Variants in DTNB observed in about 807,000 individuals in gnomAD.
DTNB encodes the protein dystrobrevin beta.
DTNB carries 63 observed loss-of-function variants against 90.7 expected under a neutral mutation model. The ratio of observed to expected loss-of-function variants is 0.69; its 90% CI spans 0.57 to 0.86. The LOEUF (loss-of-function observed/expected upper bound fraction) is 0.86. Ranked by LOEUF, DTNB falls within the 40% of genes least tolerant of loss-of-function variation. The pLI, the probability that DTNB is intolerant of heterozygous loss-of-function variation, is 0.00. For synonymous variants in DTNB, 277 were observed against 286.7 expected (o/e 0.97, Z 0.34); for missense variants, 744 against 807.1 (o/e 0.92, Z 0.95).
chr2:25,523,407 A>C (rs547572812), intron 9 of DTNB, among the ~76,000 whole-genome samples: 34 of 152,336 alleles, frequency 2.2e-4, no homozygotes, highest in African/African-American at 8.2e-4. Context: ...TGGGTGGCCA[A>C]GGCAGGCAGA....
chr2:25,392,146 C>T (rs1325963441), intron 16 of DTNB, among the ~76,000 whole-genome samples: 2 of 152,148 alleles, frequency 1.3e-5, no homozygotes, highest in Non-Finnish European at 2.9e-5. Flanking sequence ...CGGTGGCTCA[C>T]GCCTGTAATC....
chr2:25,660,495 A>C (rs2082940337), intron 1 of DTNB, among the ~76,000 whole-genome samples: 1 of 152,152 alleles, frequency 6.6e-6, no homozygotes, highest in Non-Finnish European at 1.5e-5. Context: ...GGATGATGCA[A>C]ATGTTCTGAA....
At chr2:25,421,138 G>A (rs2049535476) in intron 15 of DTNB, 1 of 152,228 alleles carries the variant, frequency 6.6e-6, no homozygotes, top group Non-Finnish European at 1.5e-5. Context: ...GAATGGGTAA[G>A]TGCTCCTGCT....
At chr2:25,549,099 T>C (rs902879237) in intron 8 of DTNB, among the ~76,000 whole-genome samples, 2 of 152,054 alleles carry the variant, frequency 1.3e-5, no homozygotes, top group Non-Finnish European at 2.9e-5. Flanking sequence ...TATTGTTAAC[T>C]GTATCCTCTA....
chr2:25,466,834 G>A (rs992743279), intron 10 of DTNB, among the ~76,000 whole-genome samples: 17 of 152,120 alleles, frequency 1.1e-4, no homozygotes, highest in African/African-American at 3.6e-4. Context: ...ATTTTTTTCC[G>A]AACGCTGTTG....
chr2:25,661,166 C>G (rs2083100336), intron 1 of DTNB, among the ~76,000 whole-genome samples: 1 of 152,168 alleles, frequency 6.6e-6, no homozygotes, highest in Non-Finnish European at 1.5e-5. Context: ...ATCTTTTAAT[C>G]TCAACATAAG....
At chr2:25,416,577 A>T (rs1256079716) in intron 16 of DTNB, among the ~76,000 whole-genome samples, 3 of 152,116 alleles carry the variant, frequency 2.0e-5, no homozygotes, top group Non-Finnish European at 4.4e-5. Flanking sequence ...AAGGCAAGAG[A>T]ATCACCTGAA....
At chr2:25,391,327 A>G (rs2041053873) in intron 16 of DTNB, among the ~76,000 whole-genome samples, 1 of 152,236 alleles carries the variant, frequency 6.6e-6, no homozygotes, top group Non-Finnish European at 1.5e-5. Context: ...GTCAACCCCC[A>G]GAAAGGGAGA....
chr2:25,400,062 C>T (rs946446144), intron 16 of DTNB, among the ~76,000 whole-genome samples: 54 of 152,194 alleles, frequency 3.5e-4, no homozygotes, highest in African/African-American at 1.3e-3. Flanking sequence ...AGGCCTTGTA[C>T]AGATGATGCT....
At chr2:25,563,064 C>T (rs1238886943) in intron 8 of DTNB, among the ~76,000 whole-genome samples, 3 of 152,178 alleles carry the variant, frequency 2.0e-5, no homozygotes, top group African/African-American at 7.2e-5. Context: ...GCCACCATGC[C>T]CAGCCTAATC....
intron 4 of DTNB, among the ~76,000 whole-genome samples, chr2:25,610,758 G>T (rs2068408618): frequency 6.6e-6 from 1 of 151,354 alleles, no homozygotes; most frequent in Admixed American, 6.6e-5. Flanking sequence ...TGCCCAGGCT[G>T]GAGTGCAGTG....
intron 9 of DTNB, among the ~76,000 whole-genome samples, chr2:25,523,750 T>A (rs1558873211): frequency 6.6e-6 from 1 of 152,140 alleles, no homozygotes; most frequent in Non-Finnish European, 1.5e-5. Context: ...TGCTTTCATA[T>A]AACTAAAACT....
chr2:25,451,783 G>GA (rs1250621131), intron 11 of DTNB, 148 bp from the exon 12 acceptor site: 5 of 703,246 alleles, frequency 7.1e-6, no homozygotes, highest in East Asian at 3.3e-5. Context: ...ATGGTCTTCT[G>GA]AAAAAAAGGG....
At chr2:25,661,537 G>T (rs183486844) in intron 1 of DTNB, among the ~76,000 whole-genome samples, 2 of 152,204 alleles carry the variant, frequency 1.3e-5, no homozygotes, top group South Asian at 2.1e-4. Context: ...CGATTGCTTT[G>T]GGGGGAAAGG....
At chr2:25,648,937 T>C (rs906243624) in intron 2 of DTNB, among the ~76,000 whole-genome samples, 2 of 147,976 alleles carry the variant, frequency 1.4e-5, no homozygotes, top group Non-Finnish European at 3.0e-5. Context: ...ATAGAAAGAA[T>C]AGAAATATTA....
chr2:25,397,564 G>A (rs551473763), intron 16 of DTNB, among the ~76,000 whole-genome samples: 1 of 152,186 alleles, frequency 6.6e-6, no homozygotes, highest in South Asian at 2.1e-4. Flanking sequence ...AGGAACTCAA[G>A]ATGGAAATTA....
chr2:25,492,685 A>G (rs994834603), intron 9 of DTNB, among the ~76,000 whole-genome samples: 1 of 152,164 alleles, frequency 6.6e-6, no homozygotes, highest in African/African-American at 2.4e-5. Flanking sequence ...CTCCATCACT[A>G]CTAAAAATCA....
At chr2:25,627,513 A>G (rs1559292864) in intron 4 of DTNB, among the ~76,000 whole-genome samples, 1 of 152,176 alleles carries the variant, frequency 6.6e-6, no homozygotes, top group Non-Finnish European at 1.5e-5. Context: ...AGAAAAAAGA[A>G]AGAGGAGACT....
Position 25,661,808 on chromosome 2 carries a change from T to C in DTNB, c.-1-9147A>G, listed in dbSNP as rs140368488. Among the ~76,000 whole-genome samples the C allele has an allele frequency of 1.4e-3, 209 of 152,334 alleles. 1 individual carries two copies. The highest frequency in any genetic ancestry group is 0.011 in the South Asian group (52 of 4,826). On this transcript the variant is annotated intron_variant, in intron 1 of 20. Coordinates refer to ENST00000406818, the MANE Select transcript of DTNB (RefSeq NM_021907.5). ...ATATGAGGTGACATGAATTCTCATA[T>C]ATTGCTGGTGAAAGCATAAATATAA... is the stretch of plus-strand genomic sequence containing the variant.
Sources: allele counts gnomAD v4.1 joint callset (sites outside exome capture counted in the v4.1 genomes callset), GRCh38; gene constraint gnomAD v4.1.1; transcripts MANE v1.5; gene names NCBI Gene and HGNC (gene_info 2026-07-23, HGNC 2026-07-21).